PDE3B: variants seen among roughly 807,000 people sequenced by gnomAD.
PDE3B encodes the protein phosphodiesterase 3B.
A neutral mutation model predicts 116.8 loss-of-function variants in PDE3B; 66 were observed. That is an observed-to-expected ratio of 0.56 (90% CI 0.46 to 0.69). The LOEUF (loss-of-function observed/expected upper bound fraction) is 0.69. Among genes scored for constraint, PDE3B ranks in the 30% least tolerant of loss-of-function variants. PDE3B has a pLI of 0.00. For missense variants in PDE3B, 1,384 were observed against 1,368.1 expected (o/e 1.01, Z -0.18); for synonymous variants, 595 against 533.6 (o/e 1.12, Z -1.59).
chr11:14,685,047 TTAAAG>T (rs565478185), intron 1 of PDE3B, among the ~76,000 whole-genome samples: 104 of 152,296 alleles, frequency 6.8e-4, no homozygotes, highest in Non-Finnish European at 1.3e-3. Flanking sequence ...GATTAAGAGA[TTAAAG>T]TAAGACAGGC....
intron 5 of PDE3B, among the ~76,000 whole-genome samples, chr11:14,814,679 G>C (rs1188881295): frequency 6.6e-6 from 1 of 152,184 alleles, no homozygotes; most frequent in African/African-American, 2.4e-5. Flanking sequence ...TCATATAAAG[G>C]CCAGGCATGG....
At chr11:14,850,361 A>C (rs1333876318) in intron 12 of PDE3B, among the ~76,000 whole-genome samples, 1 of 152,094 alleles carries the variant, frequency 6.6e-6, no homozygotes, top group Non-Finnish European at 1.5e-5. Flanking sequence ...GGGGGGAGGG[A>C]TAGCTTTAGG....
chr11:14,781,428 C>A (rs563306072), intron 2 of PDE3B, among the ~76,000 whole-genome samples: 4 of 152,132 alleles, frequency 2.6e-5, no homozygotes, highest in East Asian at 3.8e-4. Context: ...ACTGGCAAAC[C>A]GAATCCAGCA....
chr11:14,885,693 C>G, the PDE3B span: 7 of 1,410,850 alleles, frequency 5.0e-6, no homozygotes, highest in Non-Finnish European at 7.0e-6. Context: ...AAAATAATCC[C>G]AACTGTATGC....
chr11:14,768,907 T>A (rs1178232522), intron 1 of PDE3B, among the ~76,000 whole-genome samples: 1 of 151,630 alleles, frequency 6.6e-6, no homozygotes, highest in African/African-American at 2.4e-5. Flanking sequence ...GTCATTCATC[T>A]TCTATTACTT....
chr11:14,764,197 AC>A (rs1385823071), intron 1 of PDE3B, among the ~76,000 whole-genome samples: 3 of 152,270 alleles, frequency 2.0e-5, no homozygotes, highest in Admixed American at 2.0e-4. Context: ...GTGGAGGAAC[AC>A]AGCTGTTGCC....
intron 1 of PDE3B, among the ~76,000 whole-genome samples, chr11:14,666,654 A>C: frequency 6.6e-6 from 1 of 151,856 alleles, no homozygotes; most frequent in South Asian, 2.1e-4. Flanking sequence ...AAAAGAAGAC[A>C]TTTATGCAGC....
At chr11:14,716,351 C>G (rs1855892367) in intron 1 of PDE3B, among the ~76,000 whole-genome samples, 1 of 151,900 alleles carries the variant, frequency 6.6e-6, no homozygotes, top group Admixed American at 6.6e-5. Flanking sequence ...GGAGGGGAGC[C>G]CGCCATTGCC....
At chr11:14,859,547 T>C (rs1345205831) in intron 13 of PDE3B, among the ~76,000 whole-genome samples, 2 of 152,202 alleles carry the variant, frequency 1.3e-5, no homozygotes, top group Non-Finnish European at 2.9e-5. Context: ...AAACCAGTTA[T>C]TTCAAATGAG....
intron 2 of PDE3B, among the ~76,000 whole-genome samples, chr11:14,784,103 C>G (rs918364101): frequency 2.6e-5 from 4 of 152,192 alleles, no homozygotes; most frequent in Non-Finnish European, 4.4e-5. Context: ...TGAACAGTTT[C>G]ATTCTGAAAC....
At chr11:14,695,379 T>C (rs943148477) in intron 1 of PDE3B, among the ~76,000 whole-genome samples, 2 of 152,140 alleles carry the variant, frequency 1.3e-5, no homozygotes, top group African/African-American at 4.8e-5. Context: ...ATTTTTATTT[T>C]GAGGGAGTAG....
In PDE3B at chr11:14,650,052, CT is replaced by C. The variant is rs927816893; in HGVS notation, c.978+5011del. Among the ~76,000 whole-genome samples, 339 of 146,262 alleles carry C rather than the reference CT, an allele frequency of 2.3e-3. 1 individual carries two copies. Among genetic ancestry groups the C allele is most frequent in the East Asian group, 2.8e-3 (14 of 5,034 alleles). ...TTGGGGCAGAAGAGTGTATCTCCCA[CT>C]TTTTTTTTTTTCTTTTACAACCAAC... On this transcript the variant is annotated intron_variant, in intron 1 of 15. Coordinates refer to ENST00000282096, the MANE Select transcript of PDE3B (RefSeq NM_000922.4).
chr11:14,647,495 TTAAAA>T (rs1360542706), intron 1 of PDE3B, among the ~76,000 whole-genome samples: 5 of 152,018 alleles, frequency 3.3e-5, no homozygotes, highest in Non-Finnish European at 7.4e-5. Flanking sequence ...AAGGTAGAAA[TTAAAA>T]TAAAATAAGA....
rs148855274 is a variant in PDE3B, at chr11:14,868,701, A to G, written c.3140-760A>G. Among the ~76,000 whole-genome samples, 69 of 152,320 alleles carry G rather than the reference A, an allele frequency of 4.5e-4. 1 individual carries two copies. In the East Asian group the frequency reaches 0.013, roughly 28 times the overall value. ...GCAATAAATCAGACCAGACAGGAAA[A>G]CTACAAAGAACCTCCCACTGCAACA... On this transcript the variant is annotated intron_variant, in intron 15 of 15. Coordinates refer to ENST00000282096, the MANE Select transcript of PDE3B (RefSeq NM_000922.4).
intron 7 of PDE3B, among the ~76,000 whole-genome samples, chr11:14,824,953 A>C (rs770337051): frequency 6.6e-6 from 1 of 152,162 alleles, no homozygotes; most frequent in Admixed American, 6.5e-5. Context: ...CCTACAAGCC[A>C]GAAGAGCCTG....
intron 12 of PDE3B, among the ~76,000 whole-genome samples, chr11:14,852,035 C>G (rs532598003): frequency 7.6e-4 from 115 of 152,254 alleles, no homozygotes; most frequent in African/African-American, 2.1e-3. Flanking sequence ...ACTTACTGTT[C>G]TAGTCCACTC....
chr11:14,749,920 T>TA (rs1554989222), intron 1 of PDE3B, among the ~76,000 whole-genome samples: 1 of 41,526 alleles, frequency 2.4e-5, no homozygotes, highest in African/African-American at 9.5e-5. Flanking sequence ...ATATGTATCT[T>TA]TGTGGAAGCT....
intron 1 of PDE3B, among the ~76,000 whole-genome samples, chr11:14,647,162 G>A (rs941174202): frequency 6.6e-6 from 1 of 151,908 alleles, no homozygotes; most frequent in African/African-American, 2.4e-5. Flanking sequence ...GGAAGTAAAA[G>A]ATCAGGAGAT....
At chr11:14,845,555 A>G (rs1487237423) in intron 12 of PDE3B, among the ~76,000 whole-genome samples, 1 of 151,988 alleles carries the variant, frequency 6.6e-6, no homozygotes, top group Non-Finnish European at 1.5e-5. Context: ...TACAGGAGGA[A>G]ATTCAAACCA....
Sources: gnomAD v4.1 joint callset for allele counts (sites outside exome capture counted in the v4.1 genomes callset) on GRCh38, gnomAD v4.1.1 for gene constraint, MANE v1.5 for transcripts, NCBI Gene and HGNC (gene_info 2026-07-23, HGNC 2026-07-21) for gene names.